The following SLC24A2 variants were observed in gnomAD, a reference collection of about 807,000 sequenced individuals.
SLC24A2 encodes the protein solute carrier family 24 member 2, also known as sodium/potassium/calcium exchanger 2.
SLC24A2 carries 36 observed loss-of-function variants against 62.0 expected under a neutral mutation model. The ratio of observed to expected loss-of-function variants is 0.58; its 90% CI spans 0.44 to 0.77. The LOEUF (loss-of-function observed/expected upper bound fraction) is 0.77, where lower values mean the gene tolerates loss of function less well. Among genes scored for constraint, SLC24A2 ranks in the 30% least tolerant of loss-of-function variants. SLC24A2 has a pLI of 0.00. For synonymous variants in SLC24A2, 358 were observed against 294.0 expected (o/e 1.22, Z -2.23); for missense variants, 846 against 817.9 (o/e 1.03, Z -0.42).
the SLC24A2 span, among the ~76,000 whole-genome samples, chr9:20,164,436 A>T: frequency 6.6e-6 from 1 of 152,172 alleles, no homozygotes; most frequent in African/African-American, 2.4e-5. Flanking sequence ...ACGATGAGAT[A>T]CCATCTCACA....
the SLC24A2 span, among the ~76,000 whole-genome samples, chr9:20,192,609 G>A: frequency 6.6e-6 from 1 of 152,124 alleles, no homozygotes; most frequent in African/African-American, 2.4e-5. Context: ...GTGGCACTTA[G>A]TTCAACTGGG....
At chr9:19,533,528 T>C (rs138526049) in intron 8 of SLC24A2, among the ~76,000 whole-genome samples, 3 of 152,372 alleles carry the variant, frequency 2.0e-5, no homozygotes, top group East Asian at 1.9e-4. Context: ...GAGGGCTTTG[T>C]AGCTTTCATA....
At chr9:20,010,432 T>C in the SLC24A2 span, among the ~76,000 whole-genome samples, 5 of 152,124 alleles carry the variant, frequency 3.3e-5, no homozygotes, top group Non-Finnish European at 5.9e-5. Flanking sequence ...ATGGCTGACA[T>C]ATAATTCAGA....
chr9:19,867,826 C>T, the SLC24A2 span, among the ~76,000 whole-genome samples: 2 of 152,024 alleles, frequency 1.3e-5, no homozygotes, highest in Admixed American at 6.5e-5. Flanking sequence ...GTGAATCGGT[C>T]GAACCCGGGA....
At chr9:19,876,156 C>A in the SLC24A2 span, among the ~76,000 whole-genome samples, 1 of 152,002 alleles carries the variant, frequency 6.6e-6, no homozygotes, top group Non-Finnish European at 1.5e-5. Context: ...CAATTTAAAC[C>A]AGACAACACC....
At chr9:19,525,070 C>T (rs1355310120) in intron 9 of SLC24A2, among the ~76,000 whole-genome samples, 2 of 152,100 alleles carry the variant, frequency 1.3e-5, no homozygotes, top group African/African-American at 4.8e-5. Context: ...GTGATTTCTG[C>T]CAGGTGTTGG....
chr9:20,230,646 C>T, the SLC24A2 span, among the ~76,000 whole-genome samples: 17 of 152,132 alleles, frequency 1.1e-4, no homozygotes, highest in Admixed American at 3.9e-4. Flanking sequence ...CTTTGTCAGA[C>T]GAGTAGATTG....
the SLC24A2 span, among the ~76,000 whole-genome samples, chr9:20,294,946 C>G: frequency 6.6e-6 from 1 of 151,822 alleles, no homozygotes; most frequent in East Asian, 1.9e-4. Context: ...ATTTACTAAG[C>G]ACACCCATTT....
chr9:20,253,175 A>T, the SLC24A2 span, among the ~76,000 whole-genome samples: 3 of 152,340 alleles, frequency 2.0e-5, no homozygotes, highest in South Asian at 6.2e-4. Context: ...AAGCAGGGCA[A>T]AGAAAATATT....
the SLC24A2 span, among the ~76,000 whole-genome samples, chr9:19,963,812 G>A: frequency 6.4e-4 from 98 of 152,220 alleles, no homozygotes; most frequent in African/African-American, 2.3e-3. Context: ...TCAGTGTGGC[G>A]ATTCCTCGGG....
At chr9:19,908,355 A>C in the SLC24A2 span, among the ~76,000 whole-genome samples, 17 of 152,122 alleles carry the variant, frequency 1.1e-4, no homozygotes, top group Non-Finnish European at 2.1e-4. Flanking sequence ...TAAAGACTTA[A>C]ATGTTAGACC....
chr9:19,830,270 AG>A, the SLC24A2 span, among the ~76,000 whole-genome samples: 789 of 152,330 alleles, frequency 5.2e-3, 9 homozygotes, highest in African/African-American at 0.018. Context: ...CCTTGCCCCA[AG>A]GAAAGTAAGT....
chr9:20,276,969 G>A, the SLC24A2 span, among the ~76,000 whole-genome samples: 1 of 152,160 alleles, frequency 6.6e-6, no homozygotes, highest in Non-Finnish European at 1.5e-5. Context: ...TTCCTCCTAG[G>A]CCTCCTGGCT....
chr9:19,934,894 G>T, the SLC24A2 span, among the ~76,000 whole-genome samples: 1 of 152,042 alleles, frequency 6.6e-6, no homozygotes, highest in Non-Finnish European at 1.5e-5. The surrounding 1 kb of genome is among the most constrained non-coding windows in gnomAD (Gnocchi z 4.1). Flanking sequence ...TTTTAAATTG[G>T]AGTTTTGGAG....
intron 3 of SLC24A2, 74 bp downstream of exon 3, chr9:19,622,187 C>A: frequency 2.4e-6 from 3 of 1,248,798 alleles, no homozygotes; most frequent in South Asian, 1.2e-5. Flanking sequence ...CACACAAACC[C>A]GTCTCACTCC....
the SLC24A2 span, among the ~76,000 whole-genome samples, chr9:19,843,273 G>A: frequency 6.6e-6 from 1 of 152,200 alleles, no homozygotes; most frequent in Non-Finnish European, 1.5e-5. Flanking sequence ...AGGCCAAGGT[G>A]GGTGGATCAC....
intron 2 of SLC24A2, among the ~76,000 whole-genome samples, chr9:19,767,419 G>A (rs1432752946): frequency 6.6e-6 from 1 of 152,178 alleles, no homozygotes; most frequent in East Asian, 1.9e-4. Context: ...TGAAACCCAG[G>A]GCCCTTGTGG....
chr9:19,696,603 A>G lies in SLC24A2; in HGVS notation c.931-74304T>C, dbSNP rs115830218. Among the ~76,000 whole-genome samples, 471 of 152,300 alleles carry G rather than the reference A, an allele frequency of 3.1e-3. 5 individuals are homozygous for G. The highest frequency in any genetic ancestry group is 0.011 in the African/African-American group (453 of 41,560). ...TGGGTCTACTGGTGTTTGCTATATT[A>G]TTCTATATCTTTTGTATGTTTTAAG... On this transcript the variant is annotated intron_variant, in intron 2 of 10. Transcript: ENST00000341998.
chr9:20,243,425 A>G, the SLC24A2 span, among the ~76,000 whole-genome samples: 4 of 152,360 alleles, frequency 2.6e-5, no homozygotes, highest in African/African-American at 4.8e-5. Context: ...AATTTGCAGC[A>G]TACTAAACAG....
Sources: allele counts gnomAD v4.1 joint callset (sites outside exome capture counted in the v4.1 genomes callset), GRCh38; gene constraint gnomAD v4.1.1; non-coding constraint Gnocchi (gnomAD v3.1); transcripts MANE v1.5; gene names NCBI Gene and HGNC (gene_info 2026-07-23, HGNC 2026-07-21).